CATSPERB: variants seen among roughly 807,000 people sequenced by gnomAD.
CATSPERB encodes catsper channel auxiliary subunit beta.
CATSPERB carries 93 observed loss-of-function variants against 128.3 expected under a neutral mutation model. That is an observed-to-expected ratio of 0.72 (90% confidence interval 0.61 to 0.86). The LOEUF is 0.86. Among genes scored for constraint, CATSPERB ranks in the 40% least tolerant of loss-of-function variants. CATSPERB has a pLI of 0.00. For synonymous variants in CATSPERB, 381 were observed against 448.8 expected, an observed-to-expected ratio of 0.85 and a Z score of 1.91; for missense variants, 1,153 against 1,329.5, an observed-to-expected ratio of 0.87 and a Z score of 2.06.
At chr14:91,731,180 G>A (rs1896204024) in intron 1 of CATSPERB, among the ~76,000 whole-genome samples, 1 of 152,172 alleles carries the variant, frequency 6.6e-6, no homozygotes, top group South Asian at 2.1e-4. Context: ...GAGAGAGTTA[G>A]TATGAAGCAC....
intron 18 of CATSPERB, among the ~76,000 whole-genome samples, chr14:91,623,276 C>T (rs915476793): frequency 2.6e-5 from 4 of 152,228 alleles, no homozygotes; most frequent in Admixed American, 6.5e-5. Context: ...TTATGCAACA[C>T]GGGAGAGGGG....
intron 15 of CATSPERB, among the ~76,000 whole-genome samples, chr14:91,652,883 T>C (rs1436543374): frequency 2.0e-5 from 3 of 152,084 alleles, no homozygotes; most frequent in Non-Finnish European, 4.4e-5. Context: ...ACAAACCACA[T>C]GGATTAATCT....
chr14:91,671,524 G>A (rs1049734971), intron 13 of CATSPERB, among the ~76,000 whole-genome samples: 3 of 151,884 alleles, frequency 2.0e-5, no homozygotes, highest in African/African-American at 4.8e-5. Context: ...GCAGTGCGCC[G>A]AGGTTGCAGT....
intron 14 of CATSPERB, among the ~76,000 whole-genome samples, chr14:91,664,086 T>G (rs1012226980): frequency 3.0e-4 from 45 of 152,180 alleles, no homozygotes; most frequent in South Asian, 2.1e-4. Context: ...AAAAGTCCTC[T>G]GTTCTCGGCC....
intron 11 of CATSPERB, 134 bp downstream of exon 11, chr14:91,683,743 G>T: frequency 1.8e-6 from 1 of 562,476 alleles, no homozygotes; most frequent in Non-Finnish European, 3.1e-6. Context: ...CCCACCCCAA[G>T]TGCCCCTTTT....
At chr14:91,658,554 G>A (rs3106161) in intron 15 of CATSPERB, among the ~76,000 whole-genome samples, 114,614 of 148,206 alleles carry the variant, frequency 0.77, 44,604 homozygotes, top group East Asian at 0.92. Flanking sequence ...TAATTTGAAT[G>A]TTTGTAACAT....
intron 7 of CATSPERB, among the ~76,000 whole-genome samples, chr14:91,701,126 A>C (rs1017552939): frequency 4.6e-5 from 7 of 152,212 alleles, no homozygotes; most frequent in African/African-American, 1.7e-4. Flanking sequence ...ACAAAAGTCA[A>C]GTGGAGAGGA....
chr14:91,631,095 C>A (rs1894267776), intron 17 of CATSPERB, among the ~76,000 whole-genome samples: 1 of 152,176 alleles, frequency 6.6e-6, no homozygotes, highest in African/African-American at 2.4e-5. Flanking sequence ...TATTTACTTT[C>A]TTCAAAGCAC....
intron 6 of CATSPERB, among the ~76,000 whole-genome samples, chr14:91,705,002 A>G (rs1007708553): frequency 6.6e-6 from 1 of 152,224 alleles, no homozygotes; most frequent in Non-Finnish European, 1.5e-5. Context: ...ATCTATCCCT[A>G]GAAATGGAAT....
intron 22 of CATSPERB, among the ~76,000 whole-genome samples, chr14:91,595,075 A>G (rs1276367130): frequency 2.0e-5 from 3 of 152,138 alleles, no homozygotes; most frequent in African/African-American, 7.2e-5. Flanking sequence ...ATTAGGCAAG[A>G]CTAGGATCTA....
chr14:91,609,820 C>A (rs890356813), intron 21 of CATSPERB, among the ~76,000 whole-genome samples: 1 of 152,162 alleles, frequency 6.6e-6, no homozygotes, highest in Non-Finnish European at 1.5e-5. Flanking sequence ...CTCACTGCAA[C>A]CCCTGCCTCC....
At chr14:91,719,611 TC>T in intron 4 of CATSPERB, 133 bp from the exon 5 acceptor site, 2 of 602,832 alleles carry the variant, frequency 3.3e-6, no homozygotes, top group Non-Finnish European at 5.5e-6. Flanking sequence ...GAAATTTCAC[TC>T]TTAGGAATTT....
Position 91,704,666 on chromosome 14 carries a change from G to A in CATSPERB, c.502C>T (p.Pro168Ser), listed in dbSNP as rs1566736229. The A allele has an allele frequency of 1.2e-6, 2 of 1,613,770 alleles. No individual in the cohort carries two copies. Among genetic ancestry groups the A allele is most frequent in the Admixed American group, 3.3e-5 (2 of 59,994 alleles). The stretch of plus-strand genomic sequence containing the variant: ...TATAATTTACTGATTTCACTTTCTG[G>A]AATCACATCCCCAGGAGTCCACTGA... ...ILQWTPGDVI[P>S]ESEISKLYPH... The change falls in exon 7 of 27, where the codon CCA becomes TCA. Residue 168 changes from proline (P) to serine (S), a missense_variant. Coordinates refer to ENST00000256343, the MANE Select transcript of CATSPERB (RefSeq NM_024764.4).
At chr14:91,725,232 T>C (rs924353186) in intron 2 of CATSPERB, 64 bp from the exon 3 acceptor site, 9 of 666,166 alleles carry the variant, frequency 1.4e-5, no homozygotes, top group Non-Finnish European at 2.1e-5. Context: ...AAAAGTACCA[T>C]GTTTCTAAAA....
At chr14:91,612,593 T>C (rs965083584) in intron 20 of CATSPERB, among the ~76,000 whole-genome samples, 1 of 152,222 alleles carries the variant, frequency 6.6e-6, no homozygotes, top group African/African-American at 2.4e-5. Context: ...TAAACAGCAG[T>C]GCAATTCAAT....
chr14:91,603,388 T>C (rs1566699607), intron 22 of CATSPERB: 3 of 1,609,748 alleles, frequency 1.9e-6, no homozygotes, highest in African/African-American at 1.3e-5. Context: ...ACAGCCTCAA[T>C]ATTAAAGGTA....
chr14:91,589,564 C>T lies in CATSPERB; in HGVS notation c.2926G>A (p.Glu976Lys). The change falls in exon 24 of 27, where the codon GAA (glutamate) becomes AAA (lysine). Residue 976 changes from glutamate (E) to lysine (K), a missense_variant. Coordinates refer to ENST00000256343, the MANE Select transcript of CATSPERB (RefSeq NM_024764.4). ...LQSPYLVTVT[E>K]VNMRHNWKLK... Reference sequence around the variant, plus strand: ...TTCCAGTTGTGCCTCATGTTCACTTCAGTCACAGTAACCAGATATGGAGAT... The same window carrying T: ...TTCCAGTTGTGCCTCATGTTCACTTTAGTCACAGTAACCAGATATGGAGAT... The T allele has an allele frequency of 1.2e-6, 2 of 1,613,778 alleles. No homozygotes were observed. Among genetic ancestry groups the T allele is most frequent in the East Asian group, 2.2e-5 (1 of 44,864 alleles).
chr14:91,695,251 TC>T (rs1410824118), intron 7 of CATSPERB, among the ~76,000 whole-genome samples: 1 of 151,610 alleles, frequency 6.6e-6, no homozygotes, highest in Non-Finnish European at 1.5e-5. Flanking sequence ...TGCCTCATCC[TC>T]CTGAGTAGCT....
chr14:91,624,138 A>G (rs1286778326), intron 18 of CATSPERB, among the ~76,000 whole-genome samples: 1 of 152,204 alleles, frequency 6.6e-6, no homozygotes. Context: ...ACTCGAGGTC[A>G]GGAGTTTGAG....
Sources: allele counts gnomAD v4.1 joint callset (sites outside exome capture counted in the v4.1 genomes callset), GRCh38; gene constraint gnomAD v4.1.1; transcripts MANE v1.5; gene names NCBI Gene and HGNC (gene_info 2026-07-23, HGNC 2026-07-21).